Variants in UBXN7 observed in about 807,000 individuals in gnomAD.
The protein encoded by UBXN7 is UBX domain-containing protein 7.
A neutral mutation model predicts 58.0 loss-of-function variants in UBXN7; 9 were observed. The observed-to-expected ratio is 0.16, with a 90% CI of 0.09 to 0.27. The LOEUF is 0.27. Ranked by LOEUF, UBXN7 falls within the 10% of genes least tolerant of loss-of-function variation. UBXN7 has a pLI of 1.00. For missense variants in UBXN7, 328 were observed against 599.6 expected (o/e 0.55, Z 4.73); for synonymous variants, 208 against 205.0 (o/e 1.01, Z -0.12).
chr3:196,423,479 G>T, intron 1 of UBXN7: 1 of 242,372 alleles, frequency 4.1e-6, no homozygotes, highest in South Asian at 3.9e-5. Flanking sequence ...ATGGGGCTTG[G>T]GGTACTTGTT....
intron 2 of UBXN7, among the ~76,000 whole-genome samples, chr3:196,403,684 T>C (rs1437875468): frequency 2.0e-5 from 3 of 152,196 alleles, no homozygotes; most frequent in Non-Finnish European, 4.4e-5. Flanking sequence ...ATTACTACTA[T>C]ATCAAAGAAT....
intron 7 of UBXN7, 44 bp from the exon 8 acceptor site, chr3:196,368,199 G>A (rs751064381): frequency 1.3e-6 from 2 of 1,556,308 alleles, no homozygotes; most frequent in Non-Finnish European, 1.7e-6. Context: ...ATAATATCTA[G>A]AATCCTTCTG....
At chr3:196,394,687 G>C (rs1729716302) in intron 3 of UBXN7, among the ~76,000 whole-genome samples, 1 of 152,128 alleles carries the variant, frequency 6.6e-6, no homozygotes, top group East Asian at 1.9e-4. Flanking sequence ...GCCACGTAGA[G>C]ATGAAGCCAC....
At chr3:196,404,296 T>TC (rs1265922560) in intron 2 of UBXN7, among the ~76,000 whole-genome samples, 1 of 140,516 alleles carries the variant, frequency 7.1e-6, no homozygotes, top group African/African-American at 2.7e-5. Context: ...GGAGTCTCAC[T>TC]CTGTGGCCCA....
chr3:196,365,801 C>T (rs1229213617), intron 8 of UBXN7, among the ~76,000 whole-genome samples: 4 of 152,032 alleles, frequency 2.6e-5, no homozygotes, highest in Admixed American at 6.6e-5. Context: ...CAAGTAGTCA[C>T]GTATCTACCG....
chr3:196,429,888 A>G (rs559783708), intron 1 of UBXN7, among the ~76,000 whole-genome samples: 100 of 152,324 alleles, frequency 6.6e-4, no homozygotes, highest in African/African-American at 2.3e-3. Flanking sequence ...CAATCAAGCT[A>G]CGTAGACGAA....
chr3:196,412,024 T>C (rs1730344148), intron 1 of UBXN7, among the ~76,000 whole-genome samples: 1 of 150,636 alleles, frequency 6.6e-6, no homozygotes, highest in African/African-American at 2.4e-5. Flanking sequence ...AGCTCAGGAG[T>C]TCGAGACCAG....
chr3:196,368,536 T>C (rs1478352973), intron 7 of UBXN7, among the ~76,000 whole-genome samples: 2 of 152,204 alleles, frequency 1.3e-5, no homozygotes, highest in Non-Finnish European at 2.9e-5. Flanking sequence ...ATGCATAAAG[T>C]GTACTGTAAA....
chr3:196,367,131 C>A (rs918091129), intron 8 of UBXN7, among the ~76,000 whole-genome samples: 2 of 151,044 alleles, frequency 1.3e-5, no homozygotes, highest in South Asian at 4.2e-4. Flanking sequence ...TGCAGTGAGC[C>A]AAGATCACAC....
Position 196,356,638 on chromosome 3 carries a change from A to G in UBXN7, c.*47T>C, listed in dbSNP as rs1728356949. 2 of 1,547,402 alleles carry G rather than the reference A, an allele frequency of 1.3e-6. No homozygotes were observed. The highest frequency in any genetic ancestry group is 4.7e-5 in the East Asian group (2 of 42,788). On this transcript the variant is annotated 3_prime_UTR_variant, in exon 11 of 11. Transcript: ENST00000296328. ...GCATACTTAGTGACATGTATCTCAC[A>G]GGAAAAGGGAAAAAAGGGGTAAGCT...
At position 196,428,678 on chromosome 3, in the gene UBXN7, A is replaced by C. The variant is rs765456588; in HGVS notation, c.73+3649T>G. Among the ~76,000 whole-genome samples, 4 of 151,006 alleles carry C rather than the reference A, an allele frequency of 2.6e-5. No individual in the cohort carries two copies. The South Asian group carries it at 8.4e-4, about 32-fold the overall frequency. ...GAGGCCAAGGTGGGTGGATTGCTTG[A>C]GCCCAGGAGTTCAAGACCAGCCTGC... On this transcript the variant is annotated intron_variant, in intron 1 of 10. Transcript: ENST00000296328.
rs574997538 is a variant in UBXN7, at chr3:196,375,869, C to T, written c.469-3827G>A. On this transcript the variant is annotated intron_variant, in intron 5 of 10. Transcript: ENST00000296328. ...CATGGCGAAACCCCATCTCTACTAACGATACTAAAATTAGACGAGCGTGGT... is the reference window on the plus strand; with the variant it reads ...CATGGCGAAACCCCATCTCTACTAATGATACTAAAATTAGACGAGCGTGGT... 5.9e-5 allele frequency among the ~76,000 whole-genome samples: 9 copies of T among 152,196 alleles called. No individual in the cohort carries two copies. In the South Asian group the frequency reaches 1.9e-3, roughly 32 times the overall value.
chr3:196,377,062 A>G (rs536086653), intron 5 of UBXN7, among the ~76,000 whole-genome samples: 20 of 151,568 alleles, frequency 1.3e-4, no homozygotes, highest in Admixed American at 1.2e-3. Flanking sequence ...AAAAAAAAAA[A>G]GGAAGAAATA....
intron 1 of UBXN7, among the ~76,000 whole-genome samples, chr3:196,425,725 T>C (rs1213667389): frequency 4.6e-5 from 7 of 152,160 alleles, no homozygotes; most frequent in East Asian, 1.9e-4. Flanking sequence ...CCTAAACCGA[T>C]TGTCTCCCCT....
At chr3:196,416,341 G>A (rs1007776217) in intron 1 of UBXN7, 1 of 152,004 alleles carries the variant, frequency 6.6e-6, no homozygotes, top group Non-Finnish European at 1.5e-5. Flanking sequence ...TGAGGCGGGA[G>A]AATTACTTGA....
At position 196,417,073 on chromosome 3, in the gene UBXN7, G is replaced by A. The variant is rs543548955; in HGVS notation, c.74-9680C>T. Among the ~76,000 whole-genome samples, 5 of 152,314 alleles carry A rather than the reference G, an allele frequency of 3.3e-5. No homozygotes were observed. The South Asian group carries it at 8.3e-4, about 25-fold the overall frequency. On this transcript the variant is annotated intron_variant, in intron 1 of 10. Transcript: ENST00000296328. ...TCACGCCTGTAATCCCAGAACTTTGGGGGGCCGAGGCGGGCGGATCACAAG... is the reference window on the plus strand; with the variant it reads ...TCACGCCTGTAATCCCAGAACTTTGAGGGGCCGAGGCGGGCGGATCACAAG...
chr3:196,389,493 T>C (rs1179397711), intron 5 of UBXN7, among the ~76,000 whole-genome samples: 3 of 152,218 alleles, frequency 2.0e-5, no homozygotes, highest in African/African-American at 7.2e-5. Context: ...TGGAAATTTG[T>C]CCCCTCCAAA....
At chr3:196,390,885 C>T (rs953933060) in intron 5 of UBXN7, among the ~76,000 whole-genome samples, 2 of 152,158 alleles carry the variant, frequency 1.3e-5, no homozygotes, top group Non-Finnish European at 2.9e-5. Context: ...TTACTAAACT[C>T]CTTCATTTAA....
intron 1 of UBXN7, chr3:196,431,735 C>A (rs1456574736): frequency 4.5e-6 from 2 of 449,118 alleles, no homozygotes; most frequent in Admixed American, 4.8e-5. Flanking sequence ...GCACCCCCCG[C>A]TTCTGGCGGC....
Sources: allele counts gnomAD v4.1 joint callset (sites outside exome capture counted in the v4.1 genomes callset), GRCh38; gene constraint gnomAD v4.1.1; transcripts MANE v1.5; gene names NCBI Gene and HGNC (gene_info 2026-07-23, HGNC 2026-07-21).